Variants in KDM5B observed in about 807,000 individuals in gnomAD.
KDM5B encodes the protein lysine-specific demethylase 5B.
In KDM5B, 144 loss-of-function variants were observed where a neutral mutation model predicts 193.4. The observed-to-expected ratio is 0.74, with a 90% confidence interval of 0.65 to 0.86. The LOEUF (loss-of-function observed/expected upper bound fraction) is 0.86. Ranked by LOEUF, KDM5B falls within the 40% of genes least tolerant of loss-of-function variation. The probability of loss-of-function intolerance (pLI) is 0.00; values close to 1 mark genes in which losing one functional copy is unlikely to be tolerated. For missense variants in KDM5B, 1,833 were observed against 1,886.9 expected (o/e 0.97, Z 0.53); for synonymous variants, 668 against 682.6 (o/e 0.98, Z 0.33).
At chr1:202,764,749 G>A (rs552012550) in intron 5 of KDM5B, among the ~76,000 whole-genome samples, 1 of 152,226 alleles carries the variant, frequency 6.6e-6, no homozygotes, top group Non-Finnish European at 1.5e-5. Flanking sequence ...GGGGGCCAAG[G>A]CAGGTGGATC....
intron 1 of KDM5B, among the ~76,000 whole-genome samples, chr1:202,798,695 C>T (rs553152825): frequency 6.6e-6 from 1 of 152,150 alleles, no homozygotes; most frequent in South Asian, 2.1e-4. Flanking sequence ...CACTGCATTA[C>T]AGTTTGGGCA....
chr1:202,753,040 G>C lies in KDM5B; in HGVS notation c.1566C>G (p.Val522=). The change falls in exon 12 of 27, where the codon GTC becomes GTG. Residue 522 remains valine (V), a synonymous_variant. Coordinates refer to ENST00000367265, the MANE Select transcript of KDM5B (RefSeq NM_006618.5). ...HWGEPKTWYG[V]PGYAAEQLEN... ...CTAGCTGCTCAGCAGCATACCCTGG[G>C]ACTCCATACCAGGTTTTTGGCTCAC... 6.2e-7 allele frequency: 1 copy of C among 1,613,928 alleles called. No individual in the cohort carries two copies. Among genetic ancestry groups the C allele is most frequent in the East Asian group, 2.2e-5 (1 of 44,882 alleles).
At chr1:202,778,336 C>T (rs1051826279) in intron 1 of KDM5B, among the ~76,000 whole-genome samples, 1 of 151,758 alleles carries the variant, frequency 6.6e-6, no homozygotes, top group East Asian at 1.9e-4. Flanking sequence ...TTGTTACCTA[C>T]GAAGGGAGAA....
chr1:202,781,541 A>G (rs1558510786), intron 1 of KDM5B, among the ~76,000 whole-genome samples: 1 of 152,242 alleles, frequency 6.6e-6, no homozygotes, highest in Admixed American at 6.5e-5. Flanking sequence ...GAAAAAGATT[A>G]AAGTCTGATT....
intron 20 of KDM5B, 110 bp from the exon 21 acceptor site, chr1:202,736,502 T>C (rs1655101836): frequency 1.0e-5 from 7 of 701,980 alleles, no homozygotes; most frequent in Non-Finnish European, 1.5e-5. Flanking sequence ...TACTCCATGA[T>C]CTCAACATGC....
At chr1:202,745,759 G>C (rs1572718851) in intron 16 of KDM5B, 99 bp downstream of exon 16, 1 of 1,373,372 alleles carries the variant, frequency 7.3e-7, no homozygotes, top group Admixed American at 1.7e-5. Flanking sequence ...CCAAGGATGA[G>C]GTCAGGCTGT....
intron 11 of KDM5B, among the ~76,000 whole-genome samples, chr1:202,754,006 C>T (rs1004294739): frequency 1.3e-5 from 2 of 152,214 alleles, no homozygotes; most frequent in Admixed American, 6.5e-5. Context: ...GTATTCACTT[C>T]AGGATATGTT....
At chr1:202,780,888 A>T (rs993461810) in intron 1 of KDM5B, among the ~76,000 whole-genome samples, 1 of 152,082 alleles carries the variant, frequency 6.6e-6, no homozygotes, top group Non-Finnish European at 1.5e-5. Context: ...GTTTGCGCCA[A>T]CCTAATAACA....
At chr1:202,764,505 C>A (rs993293894) in intron 5 of KDM5B, among the ~76,000 whole-genome samples, 1 of 152,012 alleles carries the variant, frequency 6.6e-6, no homozygotes, top group Admixed American at 6.6e-5. Context: ...CATGGTGGCA[C>A]GCACCTGTAG....
chr1:202,756,405 C>G lies in KDM5B; in HGVS notation c.1309G>C (p.Gly437Arg). 6.2e-7 allele frequency: 1 copy of G among 1,613,348 alleles called. No homozygotes were observed. The highest frequency in any genetic ancestry group is 8.5e-7 in the Non-Finnish European group (1 of 1,179,576). ...ADIASKEFGS[G>R]FPVRDGKIKL... ...ATTTTCCCATCTCGGACAGGAAAGCCACTGCCAAATTCCTTTGAGGCAATG... is the reference window on the plus strand; with the variant it reads ...ATTTTCCCATCTCGGACAGGAAAGCGACTGCCAAATTCCTTTGAGGCAATG... Residue 437 changes from glycine (G) to arginine (R), a missense_variant, in exon 10 of 27, where the codon GGC becomes CGC. Around this residue, in one of 3 missense-constraint regions of KDM5B, gnomAD observed 1,379 missense variants for 1,349.6 expected, o/e 1.02. Coordinates refer to ENST00000367265, the MANE Select transcript of KDM5B (RefSeq NM_006618.5).
At chr1:202,751,473 TAA>T (rs1337237737) in intron 12 of KDM5B, among the ~76,000 whole-genome samples, 1 of 152,162 alleles carries the variant, frequency 6.6e-6, no homozygotes, top group Non-Finnish European at 1.5e-5. Context: ...ATCTGTGTAG[TAA>T]TACGGCCTTC....
At chr1:202,798,820 G>A (rs1045443315) in intron 1 of KDM5B, among the ~76,000 whole-genome samples, 4 of 152,116 alleles carry the variant, frequency 2.6e-5, no homozygotes, top group East Asian at 3.9e-4. Flanking sequence ...CCAGGAGTTC[G>A]AACCAGCCTC....
At chr1:202,760,596 A>C (rs1656208202) in intron 7 of KDM5B, 23 bp from the exon 8 acceptor site, 1 of 1,542,620 alleles carries the variant, frequency 6.5e-7, no homozygotes, top group East Asian at 2.3e-5. Flanking sequence ...AAGTGGGTAC[A>C]GAACAAAGGA....
chr1:202,753,757 C>A (rs1404674318), intron 11 of KDM5B, among the ~76,000 whole-genome samples: 1 of 151,126 alleles, frequency 6.6e-6, no homozygotes, highest in Non-Finnish European at 1.5e-5. Flanking sequence ...GCAACCTCCA[C>A]CTCCCAGGTT....
chr1:202,766,506 T>TA (rs747461789), intron 5 of KDM5B: 21,363 of 377,952 alleles, frequency 0.057, no homozygotes, highest in South Asian at 0.078. Context: ...ACTCTGTCTC[T>TA]AAAAAAAAAA....
chr1:202,775,635 C>T (rs1656910881), intron 2 of KDM5B, among the ~76,000 whole-genome samples: 1 of 150,546 alleles, frequency 6.6e-6, no homozygotes, highest in Non-Finnish European at 1.5e-5. Context: ...ATGGGCAGAT[C>T]ACTTGAGGCC....
At position 202,789,382 on chromosome 1, in the gene KDM5B, G is replaced by A. The variant is rs571974226; in HGVS notation, c.205-12288C>T. On this transcript the variant is annotated intron_variant, in intron 1 of 26. Coordinates refer to ENST00000367265, the MANE Select transcript of KDM5B (RefSeq NM_006618.5). ...CTGAAAATACAAAAACTAGCGGGACGCGGTGGTGGGCGCCTATAATCCCAG... is the reference window on the plus strand; with the variant it reads ...CTGAAAATACAAAAACTAGCGGGACACGGTGGTGGGCGCCTATAATCCCAG... Among the ~76,000 whole-genome samples the A allele has an allele frequency of 1.9e-4, 29 of 150,970 alleles. 1 individual carries two copies. In the Middle Eastern group the frequency reaches 0.01, roughly 53 times the overall value.
At chr1:202,753,475 A>C (rs1231342844) in intron 11 of KDM5B, among the ~76,000 whole-genome samples, 1 of 152,156 alleles carries the variant, frequency 6.6e-6, no homozygotes, top group African/African-American at 2.4e-5. Context: ...TGCCTGGGTG[A>C]CAAGAGCAAG....
intron 20 of KDM5B, among the ~76,000 whole-genome samples, chr1:202,737,544 A>G (rs4950792): frequency 0.67 from 102,360 of 152,094 alleles, 37,071 homozygotes; most frequent in Admixed American, 0.82. Context: ...ATCCAGATAT[A>G]TCTCCTGTTG....
Sources: allele counts gnomAD v4.1 joint callset (sites outside exome capture counted in the v4.1 genomes callset), GRCh38; gene constraint gnomAD v4.1.1; regional missense constraint gnomAD v4.1.1; transcripts MANE v1.5; gene names NCBI Gene and HGNC (gene_info 2026-07-23, HGNC 2026-07-21).